The following CRYL1 variants were observed in gnomAD, a reference collection of about 807,000 sequenced individuals.
CRYL1 encodes lambda-crystallin homolog.
Under a neutral mutation model 36.6 loss-of-function variants are expected in CRYL1, and 29 were observed. The observed-to-expected ratio is 0.79, with a 90% CI of 0.59 to 1.08. CRYL1 has a LOEUF of 1.08. CRYL1 is among the 50% of genes least tolerant of loss of function. The pLI, the probability that CRYL1 is intolerant of heterozygous loss-of-function variation, is 0.00. For synonymous variants in CRYL1, 152 were observed against 151.5 expected (o/e 1.00, Z -0.02); for missense variants, 411 against 407.9 (o/e 1.01, Z -0.06).
chr13:20,482,772 C>T (rs74036396), intron 3 of CRYL1, among the ~76,000 whole-genome samples: 1,528 of 152,114 alleles, frequency 0.01, 28 homozygotes, highest in African/African-American at 0.035. Context: ...CGTGTGTGTG[C>T]GCACGCACAC....
intron 3 of CRYL1, among the ~76,000 whole-genome samples, chr13:20,453,621 A>G (rs2032619031): frequency 6.6e-6 from 1 of 152,154 alleles, no homozygotes; most frequent in African/African-American, 2.4e-5. Flanking sequence ...CAAATTAAAT[A>G]CAAAGAAAGG....
intron 2 of CRYL1, among the ~76,000 whole-genome samples, chr13:20,504,990 C>T (rs1288936205): frequency 6.6e-6 from 1 of 152,148 alleles, no homozygotes; most frequent in Admixed American, 6.6e-5. Flanking sequence ...AGGTCTAACA[C>T]ACACAGAATA....
intron 2 of CRYL1, among the ~76,000 whole-genome samples, chr13:20,503,364 A>T (rs111546248): frequency 0.19 from 28,519 of 151,940 alleles, 2,878 homozygotes; most frequent in South Asian, 0.32. Flanking sequence ...TGCGGCTTGC[A>T]ATGAGTAGTG....
At chr13:20,411,754 C>A (rs558284112) in intron 6 of CRYL1, among the ~76,000 whole-genome samples, 1 of 152,290 alleles carries the variant, frequency 6.6e-6, no homozygotes, top group South Asian at 2.1e-4. Flanking sequence ...CAGTGGTTAT[C>A]TTCCCATAAA....
rs2032197826 is a variant in CRYL1 at position 20,435,726 on chromosome 13, G to A, written c.439-3430C>T. Among the ~76,000 whole-genome samples the A allele has an allele frequency of 6.6e-6, 1 of 152,206 alleles. No homozygotes were observed. The highest frequency in any genetic ancestry group is 2.1e-4 in the South Asian group (1 of 4,830). ...GCCTGGGCCTGCGCAGGCCGGCGGA[G>A]CACAAGGGACGCATTCTTCCCCGCC... On this transcript the variant is annotated intron_variant, in intron 4 of 7. Transcript: ENST00000298248. This position sits in a 1 kb window ranked among gnomAD's most constrained non-coding sequence, Gnocchi z 4.0.
intron 3 of CRYL1, among the ~76,000 whole-genome samples, chr13:20,460,729 G>T (rs963820607): frequency 6.6e-6 from 1 of 152,030 alleles, no homozygotes; most frequent in Admixed American, 6.5e-5. Context: ...GTTTCACTGT[G>T]TTAGCCAGAA....
chr13:20,422,462 C>G lies in CRYL1; in HGVS notation c.634-9075G>C, dbSNP rs545791028. Among the ~76,000 whole-genome samples the G allele has an allele frequency of 9.9e-5, 15 of 152,052 alleles. No homozygotes were observed. In the South Asian group the frequency reaches 3.1e-3, roughly 32 times the overall value. ...GCTGTGGCAGTTGACATTATCCCTG[C>G]GAACATCTGCACTACTCTAGAGAGA... On this transcript the variant is annotated intron_variant, in intron 5 of 7. Transcript: ENST00000298248.
intron 5 of CRYL1, chr13:20,419,096 A>C (rs2031740946): frequency 6.6e-6 from 1 of 152,222 alleles, no homozygotes; most frequent in Admixed American, 6.5e-5. Context: ...TAGTGAAAGA[A>C]AGGATGGAAC....
intron 3 of CRYL1, among the ~76,000 whole-genome samples, chr13:20,457,372 C>G (rs906450372): frequency 6.6e-6 from 1 of 152,188 alleles, no homozygotes; most frequent in African/African-American, 2.4e-5. Flanking sequence ...TCCACCAATA[C>G]AGGAAACAGG....
chr13:20,439,655 G>A lies in CRYL1; in HGVS notation c.376C>T (p.Leu126Phe). Residue 126 changes from leucine to phenylalanine, a missense_variant, in exon 4 of 8, where the codon CTC becomes TTC. Leu to Phe is a conservative substitution (Grantham distance 22). Transcript: ENST00000298248. The stretch of plus-strand genomic sequence containing the variant: ...CCAGCAAACAACTTGGAAGGCATGA[G>A]ACAAGAAGTGGAACTGCTTAAGATC... Reference protein sequence around the residue: ...RVILSSSTSCLMPSKLFAGLV... With the variant: ...RVILSSSTSCFMPSKLFAGLV... The A allele has an allele frequency of 6.2e-7, 1 of 1,614,018 alleles. No homozygotes were observed. The highest frequency in any genetic ancestry group is 8.5e-7 in the Non-Finnish European group (1 of 1,180,006).
At chr13:20,507,892 T>G (rs908106673) in intron 2 of CRYL1, among the ~76,000 whole-genome samples, 1 of 147,770 alleles carries the variant, frequency 6.8e-6, no homozygotes, top group Non-Finnish European at 1.5e-5. Context: ...CACTCCAGCC[T>G]GGGCAACAGA....
intron 2 of CRYL1, among the ~76,000 whole-genome samples, chr13:20,494,756 T>C (rs2033575580): frequency 6.6e-6 from 1 of 152,240 alleles, no homozygotes; most frequent in Non-Finnish European, 1.5e-5. Flanking sequence ...GGAATGAGAA[T>C]GTCCCATGGA....
intron 3 of CRYL1, among the ~76,000 whole-genome samples, chr13:20,476,035 C>T (rs35891640): frequency 0.58 from 87,571 of 151,768 alleles, 26,648 homozygotes; most frequent in South Asian, 0.75. Flanking sequence ...GTCCTGCGCA[C>T]GCGGCAGGAA....
chr13:20,463,469 C>G lies in CRYL1; in HGVS notation c.277-23715G>C, dbSNP rs9315599. On this transcript the variant is annotated intron_variant, in intron 3 of 7. Transcript: ENST00000298248. ...CTCTAAAGGAAGCCAACCAGCATAA[C>G]AGTCCCAATGACTTCTGTCTCATGA... Among the ~76,000 whole-genome samples the G allele has an allele frequency of 0.34, 51,065 of 152,142 alleles. 10,564 individuals are homozygous for G. Among genetic ancestry groups the G allele is most frequent in the East Asian group, 0.64 (3,324 of 5,164 alleles).
At chr13:20,520,977 GC>G (rs1450444551) in intron 1 of CRYL1, among the ~76,000 whole-genome samples, 1 of 151,920 alleles carries the variant, frequency 6.6e-6, no homozygotes, top group African/African-American at 2.4e-5. Context: ...GGTGGCAGGG[GC>G]CTGTAGTCCC....
At chr13:20,446,008 A>G (rs1230922714) in intron 3 of CRYL1, among the ~76,000 whole-genome samples, 2 of 152,246 alleles carry the variant, frequency 1.3e-5, no homozygotes, top group African/African-American at 2.4e-5. Flanking sequence ...ACTATACACT[A>G]AGCTGCTTTA....
intron 3 of CRYL1, among the ~76,000 whole-genome samples, chr13:20,471,553 C>T (rs1480137116): frequency 5.9e-5 from 9 of 151,584 alleles, no homozygotes; most frequent in Non-Finnish European, 1.0e-4. Context: ...TTCAGTGAGC[C>T]GAGATCGCAC....
chr13:20,463,807 AT>A (rs2032879296), intron 3 of CRYL1, among the ~76,000 whole-genome samples: 2 of 152,246 alleles, frequency 1.3e-5, no homozygotes, highest in African/African-American at 2.4e-5. Flanking sequence ...AAAATGACAC[AT>A]TTTGGACAAT....
chr13:20,450,583 G>A (rs1036173209), intron 3 of CRYL1, among the ~76,000 whole-genome samples: 3 of 152,038 alleles, frequency 2.0e-5, no homozygotes, highest in Non-Finnish European at 4.4e-5. Flanking sequence ...GAGGATGTGG[G>A]GAAATAGGAA....
Sources: gnomAD v4.1 joint callset for allele counts (sites outside exome capture counted in the v4.1 genomes callset) on GRCh38, gnomAD v4.1.1 for gene constraint, Gnocchi (gnomAD v3.1) non-coding constraint, MANE v1.5 for transcripts, NCBI Gene and HGNC (gene_info 2026-07-23, HGNC 2026-07-21) for gene names.